The following CNTN4 variants were observed in gnomAD, a reference collection of about 807,000 sequenced individuals.
The protein encoded by CNTN4 is contactin 4, also known as contactin-4.
Under a neutral mutation model 122.5 loss-of-function variants are expected in CNTN4, and 77 were observed. The observed-to-expected ratio is 0.63, with a 90% CI of 0.52 to 0.76. The LOEUF (loss-of-function observed/expected upper bound fraction) is 0.76, where lower values mean the gene tolerates loss of function less well. CNTN4 is among the 30% of genes least tolerant of loss of function. The pLI is 0.00. For synonymous variants in CNTN4, 512 were observed against 447.0 expected (o/e 1.15, Z -1.83); for missense variants, 1,256 against 1,259.1 (o/e 1.00, Z 0.04).
At chr3:2,501,026 G>T (rs997343478) in intron 3 of CNTN4, among the ~76,000 whole-genome samples, 12 of 151,938 alleles carry the variant, frequency 7.9e-5, no homozygotes, top group South Asian at 2.1e-4. Flanking sequence ...TATCTTTCAG[G>T]TTCTTCCATT....
At chr3:2,735,792 TTCTAATTTTATCATC>T (rs1449995329) in intron 4 of CNTN4, 7 of 358,072 alleles carry the variant, frequency 2.0e-5, no homozygotes, top group South Asian at 8.6e-5. Context: ...CCTTGCTTCT[TTCTAATTTTATCATC>T]TCATTACAGC....
At chr3:2,392,548 T>C (rs2046478036) in intron 3 of CNTN4, among the ~76,000 whole-genome samples, 1 of 152,188 alleles carries the variant, frequency 6.6e-6, no homozygotes. Context: ...ATATATGGGG[T>C]ACAGTGTGAT....
At chr3:2,427,631 A>G (rs1395719514) in intron 3 of CNTN4, among the ~76,000 whole-genome samples, 1 of 151,998 alleles carries the variant, frequency 6.6e-6, no homozygotes, top group African/African-American at 2.4e-5. Flanking sequence ...TATCCTTGTT[A>G]ATTTTCTGCC....
At chr3:2,586,031 C>G (rs1039998331) in intron 4 of CNTN4, among the ~76,000 whole-genome samples, 2 of 152,130 alleles carry the variant, frequency 1.3e-5, no homozygotes, top group African/African-American at 2.4e-5. Context: ...TTAAATGCTT[C>G]AAATACATTA....
At chr3:2,394,796 T>TG (rs1412747088) in intron 3 of CNTN4, among the ~76,000 whole-genome samples, 1 of 147,140 alleles carries the variant, frequency 6.8e-6, no homozygotes, top group Non-Finnish European at 1.5e-5. Flanking sequence ...TTTTTTTTTT[T>TG]TTTTTTTTTT....
At chr3:2,266,863 A>G (rs1050491409) in intron 2 of CNTN4, among the ~76,000 whole-genome samples, 1 of 152,132 alleles carries the variant, frequency 6.6e-6, no homozygotes, top group African/African-American at 2.4e-5. Context: ...AGTTTTAGAC[A>G]TCAAAGGAGT....
At chr3:2,407,376 A>AT (rs1055557035) in intron 3 of CNTN4, among the ~76,000 whole-genome samples, 49 of 150,776 alleles carry the variant, frequency 3.2e-4, no homozygotes, top group African/African-American at 9.2e-4. Context: ...TTTTAAAGGA[A>AT]TTTTTTTTTT....
chr3:3,017,376 A>G (rs1218627589), intron 14 of CNTN4, among the ~76,000 whole-genome samples: 1 of 152,274 alleles, frequency 6.6e-6, no homozygotes, highest in African/African-American at 2.4e-5. Flanking sequence ...GAGCAAAATT[A>G]TAAGCAAAGT....
At chr3:2,241,080 A>G (rs531969938) in intron 2 of CNTN4, among the ~76,000 whole-genome samples, 26 of 152,310 alleles carry the variant, frequency 1.7e-4, no homozygotes, top group African/African-American at 6.0e-4. Context: ...CCCCTTCAAA[A>G]GAATGCAAAT....
Position 2,513,444 on chromosome 3 carries a change from G to A in CNTN4, c.-88-57972G>A, listed in dbSNP as rs566499346. Among the ~76,000 whole-genome samples, 331 of 152,094 alleles carry A rather than the reference G, an allele frequency of 2.2e-3. 4 individuals are homozygous for A. Among genetic ancestry groups the A allele is most frequent in the Middle Eastern group, 0.01 (3 of 294 alleles). ...GTCCAGTGATTTTTTTTAAACAAAT[G>A]CTTAATTTGTATCTACTTGGTTGAG... On this transcript the variant is annotated intron_variant, in intron 3 of 24. Transcript: ENST00000418658.
chr3:2,751,947 T>A (rs1476707254), intron 6 of CNTN4, among the ~76,000 whole-genome samples: 1 of 152,178 alleles, frequency 6.6e-6, no homozygotes, highest in Non-Finnish European at 1.5e-5. Flanking sequence ...ATTCTATGTG[T>A]CCTGTGTCTC....
At chr3:2,894,546 C>G (rs2094084600) in intron 10 of CNTN4, among the ~76,000 whole-genome samples, 1 of 152,054 alleles carries the variant, frequency 6.6e-6, no homozygotes, top group South Asian at 2.1e-4. Flanking sequence ...AAATGATGTG[C>G]ATAAAGTGAA....
At chr3:2,539,345 C>G (rs1459098091) in intron 3 of CNTN4, among the ~76,000 whole-genome samples, 1 of 151,970 alleles carries the variant, frequency 6.6e-6, no homozygotes, top group Non-Finnish European at 1.5e-5. Flanking sequence ...TGATATGAAC[C>G]TCATCTTTCC....
Position 2,963,036 on chromosome 3 carries a change from G to A in CNTN4, c.1359-25309G>A, listed in dbSNP as rs191076444. The stretch of plus-strand genomic sequence containing the variant: ...TATCCCCTCCCGCATTCTGGATGCC[G>A]TATATCTATTAATGCTGCCCAGGAT... On this transcript the variant is annotated intron_variant, in intron 13 of 24. Coordinates refer to ENST00000418658, the MANE Select transcript of CNTN4 (RefSeq NM_175607.3). Among the ~76,000 whole-genome samples the A allele has an allele frequency of 9.9e-5, 15 of 152,222 alleles. No individual in the cohort carries two copies. The East Asian group carries it at 2.7e-3, about 27-fold the overall frequency.
intron 3 of CNTN4, among the ~76,000 whole-genome samples, chr3:2,435,812 C>T (rs941764239): frequency 6.6e-6 from 1 of 152,134 alleles, no homozygotes; most frequent in Non-Finnish European, 1.5e-5. Context: ...TGTACAAATT[C>T]TACAGAAATC....
intron 6 of CNTN4, among the ~76,000 whole-genome samples, chr3:2,786,014 G>A (rs1199852506): frequency 6.6e-6 from 1 of 151,550 alleles, no homozygotes; most frequent in Non-Finnish European, 1.5e-5. Context: ...AACCAGCTGG[G>A]CATCGGAGAC....
chr3:2,309,929 G>T (rs1201630144), intron 2 of CNTN4, among the ~76,000 whole-genome samples: 2 of 152,064 alleles, frequency 1.3e-5, no homozygotes, highest in African/African-American at 4.8e-5. Context: ...TTTCCTATCT[G>T]TAAAATAGTG....
At chr3:2,221,540 G>C (rs542244108) in intron 2 of CNTN4, among the ~76,000 whole-genome samples, 3 of 148,966 alleles carry the variant, frequency 2.0e-5, no homozygotes, top group African/African-American at 7.4e-5. Context: ...AAAAGGAAAA[G>C]ATAGATTGCA....
At chr3:2,563,703 G>C (rs886471783) in intron 3 of CNTN4, among the ~76,000 whole-genome samples, 1 of 152,070 alleles carries the variant, frequency 6.6e-6, no homozygotes, top group African/African-American at 2.4e-5. Context: ...TAGAAGACTA[G>C]AACCATTCAT....
Sources: gnomAD v4.1 joint callset for allele counts (sites outside exome capture counted in the v4.1 genomes callset) on GRCh38, gnomAD v4.1.1 for gene constraint, MANE v1.5 for transcripts, NCBI Gene and HGNC (gene_info 2026-07-23, HGNC 2026-07-21) for gene names.